The following CEP89 variants were observed in gnomAD, a reference collection of about 807,000 sequenced individuals.
CEP89 encodes the protein centrosomal protein 89.
Under a neutral mutation model 97.6 loss-of-function variants are expected in CEP89, and 95 were observed. The ratio of observed to expected loss-of-function variants is 0.97; its 90% CI spans 0.82 to 1.15. The LOEUF is 1.15. Among genes scored for constraint, CEP89 ranks in the 50% most tolerant of loss-of-function variants. CEP89 has a pLI of 0.00. For missense variants in CEP89, 869 were observed against 947.7 expected, an observed-to-expected ratio of 0.92 and a Z score of 1.09; for synonymous variants, 354 against 349.1, an observed-to-expected ratio of 1.01 and a Z score of -0.16.
intron 16 of CEP89, among the ~76,000 whole-genome samples, chr19:32,893,200 AT>A (rs1263277865): frequency 6.6e-6 from 1 of 152,186 alleles, no homozygotes; most frequent in Non-Finnish European, 1.5e-5. Flanking sequence ...GGATAAAAAA[AT>A]ATTCCATGCA....
chr19:32,952,669 T>TGA (rs1484426352), intron 4 of CEP89, among the ~76,000 whole-genome samples: 1 of 151,654 alleles, frequency 6.6e-6, no homozygotes, highest in African/African-American at 2.4e-5. Flanking sequence ...TTTGAAAGGC[T>TGA]GAGGCAGGCG....
rs914819699 is a variant in CEP89, at chr19:32,958,806, C to T, written c.305+1094G>A. 3.6e-4 allele frequency among the ~76,000 whole-genome samples: 54 copies of T among 152,016 alleles called. 2 individuals are homozygous for T. Among genetic ancestry groups the T allele is most frequent in the Admixed American group, 3.5e-3 (54 of 15,248 alleles). ...CCGAGGCGGGTGGATCACCTGAGGTCGGGAGTTCAAGACCAGCCTGACCAA... is the reference window on the plus strand; with the variant it reads ...CCGAGGCGGGTGGATCACCTGAGGTTGGGAGTTCAAGACCAGCCTGACCAA... On this transcript the variant is annotated intron_variant, in intron 3 of 18. Coordinates refer to ENST00000305768, the MANE Select transcript of CEP89 (RefSeq NM_032816.5).
intron 1 of CEP89, chr19:32,971,519 T>C (rs1971409082): frequency 1.8e-6 from 1 of 541,400 alleles, no homozygotes. Context: ...TAGCCGGGAG[T>C]AGTGGCGCGC....
At chr19:32,926,338 T>TTTTA (rs1257102946) in intron 10 of CEP89, 65 bp from the exon 11 acceptor site, 1 of 1,134,498 alleles carries the variant, frequency 8.8e-7, no homozygotes, top group African/African-American at 1.6e-5. Context: ...AGAAAATTTT[T>TTTTA]AAATGGCAAG....
intron 9 of CEP89, 121 bp from the exon 10 acceptor site, chr19:32,927,105 T>C: frequency 2.3e-6 from 2 of 852,744 alleles, no homozygotes; most frequent in Non-Finnish European, 3.8e-6. Context: ...TCTATCCATC[T>C]GCCTACCCAC....
chr19:32,927,362 T>C (rs1462176565), intron 9 of CEP89, among the ~76,000 whole-genome samples: 2 of 152,154 alleles, frequency 1.3e-5, no homozygotes, highest in Non-Finnish European at 2.9e-5. Flanking sequence ...AGTACTGTCA[T>C]GAAAATCAGG....
chr19:32,934,880 A>G (rs1169149101), intron 7 of CEP89, among the ~76,000 whole-genome samples: 1 of 152,210 alleles, frequency 6.6e-6, no homozygotes, highest in Admixed American at 6.5e-5. Context: ...TGGGAAGCTG[A>G]GGCAGGAAGC....
chr19:32,945,669 T>C (rs546855064), intron 5 of CEP89, among the ~76,000 whole-genome samples: 177 of 152,278 alleles, frequency 1.2e-3, no homozygotes, highest in Non-Finnish European at 1.5e-3. Context: ...ATTTCTTTTT[T>C]TAATTTCTGG....
chr19:32,917,891 G>T, intron 13 of CEP89: 1 of 584,364 alleles, frequency 1.7e-6, no homozygotes, highest in Non-Finnish European at 2.2e-6. Flanking sequence ...TCTGGGAAGA[G>T]ACCCTGTGTT....
At chr19:32,953,870 T>G in intron 3 of CEP89, 69 bp from the exon 4 acceptor site, 1 of 331,952 alleles carries the variant, frequency 3.0e-6, no homozygotes, top group Non-Finnish European at 4.0e-6. Flanking sequence ...TAAATATCTT[T>G]TTTTTTTTTT....
intron 12 of CEP89, among the ~76,000 whole-genome samples, chr19:32,919,107 G>A (rs1599739894): frequency 6.6e-6 from 1 of 151,930 alleles, no homozygotes; most frequent in Admixed American, 6.6e-5. Context: ...GGATGGTCTC[G>A]ATCTCCTGAC....
At position 32,879,150 on chromosome 19, in the gene CEP89, C is replaced by T; in HGVS notation, c.*12G>A. ...AGGCCAGAGGAGGCTACACCACGGG[C>T]TCCCGCAGATTCTAGCAGGTGGGGG... On this transcript the variant is annotated 3_prime_UTR_variant, in exon 19 of 19. Transcript: ENST00000305768. The T allele has an allele frequency of 6.3e-7, 1 of 1,597,140 alleles. No homozygotes were observed. Among genetic ancestry groups the T allele is most frequent in the Non-Finnish European group, 8.5e-7 (1 of 1,169,994 alleles).
intron 7 of CEP89, 56 bp from the exon 8 acceptor site, chr19:32,933,725 T>G: frequency 8.6e-7 from 1 of 1,160,880 alleles, no homozygotes. Context: ...CAATGTTACA[T>G]CAAAATCAAC....
chr19:32,899,131 AT>A (rs1555788862), intron 16 of CEP89, among the ~76,000 whole-genome samples: 91 of 143,226 alleles, frequency 6.4e-4, no homozygotes, highest in East Asian at 1.4e-3. Context: ...TTTAATTAGC[AT>A]TTTTTTTTTT....
At chr19:32,910,416 G>A (rs1969976248) in intron 14 of CEP89, among the ~76,000 whole-genome samples, 1 of 152,150 alleles carries the variant, frequency 6.6e-6, no homozygotes, top group Non-Finnish European at 1.5e-5. Context: ...TCAGTGAGTG[G>A]TGGGTGCATG....
At chr19:32,939,166 A>G (rs956111112) in intron 6 of CEP89, among the ~76,000 whole-genome samples, 1 of 152,092 alleles carries the variant, frequency 6.6e-6, no homozygotes, top group African/African-American at 2.4e-5. Flanking sequence ...CAAAAGAATC[A>G]CTTGATCCCA....
At chr19:32,892,202 CATATATATATATATAT>C (rs71336973) in intron 16 of CEP89, among the ~76,000 whole-genome samples, 3,002 of 115,014 alleles carry the variant, frequency 0.026, 69 homozygotes, top group African/African-American at 0.038. Context: ...TATATTTAGA[CATATATATATATATAT>C]ATATATATAT....
At chr19:32,958,002 A>G (rs893802750) in intron 3 of CEP89, among the ~76,000 whole-genome samples, 1 of 130,578 alleles carries the variant, frequency 7.7e-6, no homozygotes, top group East Asian at 2.3e-4. Flanking sequence ...TGTCAAAACA[A>G]AACAAAAAAA....
chr19:32,930,377 T>C (rs942602928), intron 9 of CEP89, among the ~76,000 whole-genome samples: 1 of 152,054 alleles, frequency 6.6e-6, no homozygotes, highest in African/African-American at 2.4e-5. Context: ...GTGGTGATGG[T>C]TGCATAATTC....
Sources: allele counts gnomAD v4.1 joint callset (sites outside exome capture counted in the v4.1 genomes callset), GRCh38; gene constraint gnomAD v4.1.1; transcripts MANE v1.5; gene names NCBI Gene and HGNC (gene_info 2026-07-23, HGNC 2026-07-21).